SLCO3A1: variants seen among roughly 807,000 people sequenced by gnomAD.
SLCO3A1 encodes PGE1 transporter.
SLCO3A1 carries 27 observed loss-of-function variants against 63.1 expected under a neutral mutation model. That is an observed-to-expected ratio of 0.43 (90% CI 0.32 to 0.59). The LOEUF is 0.59. Ranked by LOEUF, SLCO3A1 falls within the 20% of genes least tolerant of loss-of-function variation. The probability of loss-of-function intolerance (pLI) is 0.09; values close to 1 mark genes in which losing one functional copy is unlikely to be tolerated. For synonymous variants in SLCO3A1, 473 were observed against 409.9 expected (o/e 1.15, Z -1.86); for missense variants, 773 against 945.8 (o/e 0.82, Z 2.40).
chr15:91,933,982 C>T (rs1899320239), intron 2 of SLCO3A1, among the ~76,000 whole-genome samples: 1 of 152,120 alleles, frequency 6.6e-6, no homozygotes, highest in Admixed American at 6.5e-5. Flanking sequence ...TCTGATGGTA[C>T]TGGCTTTTCT....
In SLCO3A1 at chr15:91,865,355, T is replaced by A. The variant is rs1328533740; in HGVS notation, c.180+11267T>A. On this transcript the variant is annotated intron_variant, in intron 1 of 9. Coordinates refer to ENST00000318445, the MANE Select transcript of SLCO3A1 (RefSeq NM_013272.4). The surrounding 1 kb of genome is among the most constrained non-coding windows in gnomAD (Gnocchi z 4.6). ...GAAAGTGACTTTCACAGTTTATCTG[T>A]TGGTGAGGTGGACATGGGCTTGGAG... Among the ~76,000 whole-genome samples the A allele has an allele frequency of 2.6e-5, 4 of 152,174 alleles. No individual in the cohort carries two copies. The highest frequency in any genetic ancestry group is 5.9e-5 in the Non-Finnish European group (4 of 68,020).
downstream of SLCO3A1, among the ~76,000 whole-genome samples, chr15:92,167,813 G>T (rs898294816): frequency 6.6e-6 from 1 of 151,632 alleles, no homozygotes; most frequent in African/African-American, 2.4e-5. Flanking sequence ...GACAACATGG[G>T]TTATCAAACC....
At chr15:92,086,341 A>G (rs2151528594) in intron 2 of SLCO3A1, among the ~76,000 whole-genome samples, 1 of 152,316 alleles carries the variant, frequency 6.6e-6, no homozygotes, top group East Asian at 1.9e-4. Context: ...TGGGGTCTAA[A>G]TTTATAATTC....
chr15:92,103,165 C>T (rs1356336949), intron 3 of SLCO3A1, among the ~76,000 whole-genome samples: 1 of 152,168 alleles, frequency 6.6e-6, no homozygotes, highest in East Asian at 1.9e-4. Flanking sequence ...CTTCCCAGAG[C>T]TGTCCATCCA....
At position 92,017,473 on chromosome 15, in the gene SLCO3A1, G is replaced by A. The variant is rs559510167; in HGVS notation, c.647-77408G>A. 7.2e-4 allele frequency among the ~76,000 whole-genome samples: 110 copies of A among 152,310 alleles called. 1 individual carries two copies. The highest frequency in any genetic ancestry group is 6.8e-4 in the Non-Finnish European group (46 of 68,022). On this transcript the variant is annotated intron_variant, in intron 2 of 9. Transcript: ENST00000318445. ...GTGAAGCATGTTCTGGAAAAGGCGG[G>A]GAAGGGCTGGACACGATGGCGCTCC... is the stretch of plus-strand genomic sequence containing the variant.
At chr15:91,980,781 G>C (rs1490256560) in intron 2 of SLCO3A1, among the ~76,000 whole-genome samples, 1 of 152,068 alleles carries the variant, frequency 6.6e-6, no homozygotes, top group African/African-American at 2.4e-5. Flanking sequence ...TGTGCAAGCT[G>C]AACTTCTGTT....
chr15:91,910,553 C>T (rs1007775520), intron 1 of SLCO3A1, among the ~76,000 whole-genome samples: 13 of 152,344 alleles, frequency 8.5e-5, no homozygotes, highest in African/African-American at 2.9e-4. Context: ...TGATGTATGA[C>T]TTCATTAATG....
chr15:92,108,488 G>A (rs777171392), intron 4 of SLCO3A1, among the ~76,000 whole-genome samples: 26 of 152,308 alleles, frequency 1.7e-4, no homozygotes, highest in Admixed American at 9.2e-4. Context: ...CTCAGAATTT[G>A]CAGAATTGCT....
intron 1 of SLCO3A1, among the ~76,000 whole-genome samples, chr15:91,893,369 A>G (rs919092542): frequency 7.2e-5 from 11 of 152,292 alleles, no homozygotes; most frequent in Non-Finnish European, 7.3e-5. Context: ...TAGAAACAAC[A>G]AACATTTATT....
chr15:92,000,406 A>ATTTTT (rs2046239833), intron 2 of SLCO3A1, among the ~76,000 whole-genome samples: 2 of 147,798 alleles, frequency 1.4e-5, no homozygotes, highest in African/African-American at 5.3e-5. Context: ...TTTTTTTTAA[A>ATTTTT]AAAAAAAAAA....
chr15:91,933,319 C>T (rs1355125353), intron 2 of SLCO3A1, among the ~76,000 whole-genome samples: 1 of 152,146 alleles, frequency 6.6e-6, no homozygotes, highest in Non-Finnish European at 1.5e-5. Flanking sequence ...AAACTCAAAT[C>T]TACAAACCAA....
chr15:92,162,625 T>G, intron 9 of SLCO3A1, 131 bp from the exon 10 acceptor site: 1 of 1,425,676 alleles, frequency 7.0e-7, no homozygotes, highest in South Asian at 1.4e-5. Context: ...CTTTGCCTCC[T>G]GAGCATGTCT....
chr15:92,038,381 A>G (rs917285202), intron 2 of SLCO3A1, among the ~76,000 whole-genome samples: 1 of 152,192 alleles, frequency 6.6e-6, no homozygotes, highest in Non-Finnish European at 1.5e-5. Context: ...GTAGCTGGCT[A>G]TTTTAAAGGA....
intron 1 of SLCO3A1, among the ~76,000 whole-genome samples, chr15:91,911,350 T>C (rs1898478856): frequency 6.6e-6 from 1 of 152,190 alleles, no homozygotes; most frequent in African/African-American, 2.4e-5. Context: ...AGTGGGGTCC[T>C]CTGATGAGCA....
intron 2 of SLCO3A1, among the ~76,000 whole-genome samples, chr15:92,013,045 C>T (rs907738660): frequency 3.3e-5 from 5 of 152,170 alleles, no homozygotes; most frequent in Non-Finnish European, 5.9e-5. Context: ...GTTCTGGCTA[C>T]GAGGCTTCAG....
chr15:92,045,279 CAA>C (rs11400205), intron 2 of SLCO3A1, among the ~76,000 whole-genome samples: 26 of 129,498 alleles, frequency 2.0e-4, no homozygotes, highest in South Asian at 1.3e-3. Context: ...GACTCCATCT[CAA>C]AAAAAAAAAA....
intron 9 of SLCO3A1, among the ~76,000 whole-genome samples, chr15:92,161,068 A>C (rs2048430897): frequency 6.6e-6 from 1 of 152,178 alleles, no homozygotes; most frequent in South Asian, 2.1e-4. Flanking sequence ...CTAGCTCTGC[A>C]AGGAACACTC....
chr15:91,924,618 A>C (rs1244146993), intron 2 of SLCO3A1, among the ~76,000 whole-genome samples: 1 of 152,208 alleles, frequency 6.6e-6, no homozygotes, highest in Non-Finnish European at 1.5e-5. Context: ...TCTGAATGTT[A>C]GGGGTATTGG....
chr15:91,897,886 G>A lies in SLCO3A1; in HGVS notation c.181-18107G>A, dbSNP rs1353233177. Among the ~76,000 whole-genome samples, 2 of 152,162 alleles carry A rather than the reference G, an allele frequency of 1.3e-5. No individual in the cohort carries two copies. The highest frequency in any genetic ancestry group is 2.9e-5 in the Non-Finnish European group (2 of 68,032). ...AGGCGAAAGGCAGCTGAAACTGCAGGGCAGAGCCAGGCGAAGTTGAGAACA... is the reference window on the plus strand; with the variant it reads ...AGGCGAAAGGCAGCTGAAACTGCAGAGCAGAGCCAGGCGAAGTTGAGAACA... On this transcript the variant is annotated intron_variant, in intron 1 of 9. Coordinates refer to ENST00000318445, the MANE Select transcript of SLCO3A1 (RefSeq NM_013272.4). This position sits in a 1 kb window ranked among gnomAD's most constrained non-coding sequence, Gnocchi z 4.7.
Sources: gnomAD v4.1 joint callset for allele counts (sites outside exome capture counted in the v4.1 genomes callset) on GRCh38, gnomAD v4.1.1 for gene constraint, Gnocchi (gnomAD v3.1) non-coding constraint, MANE v1.5 for transcripts, NCBI Gene and HGNC (gene_info 2026-07-23, HGNC 2026-07-21) for gene names.